FNIP2: variants seen among roughly 807,000 people sequenced by gnomAD.
FNIP2 encodes folliculin interacting protein 2.
In FNIP2, 32 loss-of-function variants were observed where a neutral mutation model predicts 108.7. That is an observed-to-expected ratio of 0.29 (90% CI 0.22 to 0.40). The LOEUF (loss-of-function observed/expected upper bound fraction) is 0.40. FNIP2 is among the 10% of genes least tolerant of loss of function. The pLI, the probability that FNIP2 is intolerant of heterozygous loss-of-function variation, is 1.00. For synonymous variants in FNIP2, 480 were observed against 496.7 expected (o/e 0.97, Z 0.45); for missense variants, 1,202 against 1,381.6 (o/e 0.87, Z 2.06).
At chr4:158,879,036 T>C (rs896731901) in intron 14 of FNIP2, among the ~76,000 whole-genome samples, 1 of 149,978 alleles carries the variant, frequency 6.7e-6, no homozygotes, top group East Asian at 2.0e-4. Flanking sequence ...ATGAAAAATA[T>C]CAAAGAGCAA....
At chr4:158,899,345 G>A (rs1366169305) in intron 16 of FNIP2, among the ~76,000 whole-genome samples, 1 of 152,158 alleles carries the variant, frequency 6.6e-6, no homozygotes, top group Non-Finnish European at 1.5e-5. Flanking sequence ...TTTGCTTTCA[G>A]GATGATGCTG....
intron 14 of FNIP2, among the ~76,000 whole-genome samples, chr4:158,881,712 C>G (rs551352258): frequency 6.6e-6 from 1 of 152,212 alleles, no homozygotes; most frequent in Non-Finnish European, 1.5e-5. Flanking sequence ...CTCGGCCTCC[C>G]GAGGTGCTGG....
At chr4:158,851,526 G>A (rs921308734) in intron 8 of FNIP2, 76 bp downstream of exon 8, 30 of 1,557,262 alleles carry the variant, frequency 1.9e-5, no homozygotes, top group East Asian at 9.1e-5. Flanking sequence ...GAGGCTGTTC[G>A]TGCCTATTGT....
chr4:158,836,630 C>G (rs1402155535), intron 7 of FNIP2: 2 of 145,250 alleles, frequency 1.4e-5, no homozygotes, highest in Non-Finnish European at 3.0e-5. Context: ...GAAACTCCAT[C>G]TCTACTAAAA....
At chr4:158,875,187 C>A (rs896217209) in intron 14 of FNIP2, among the ~76,000 whole-genome samples, 1 of 151,886 alleles carries the variant, frequency 6.6e-6, no homozygotes, top group African/African-American at 2.4e-5. Context: ...CAGGGGACTA[C>A]TGTTGGGAAT....
At chr4:158,840,416 G>A (rs1481570675) in intron 7 of FNIP2, among the ~76,000 whole-genome samples, 2 of 151,472 alleles carry the variant, frequency 1.3e-5, no homozygotes, top group African/African-American at 4.9e-5. Flanking sequence ...TTTTTTTTGA[G>A]ACAAGGTTTC....
At chr4:158,863,662 G>T (rs1039047561) in intron 12 of FNIP2, among the ~76,000 whole-genome samples, 2 of 152,218 alleles carry the variant, frequency 1.3e-5, no homozygotes, top group Admixed American at 6.5e-5. Flanking sequence ...TGGTATAATA[G>T]AATAGAAAAT....
intron 12 of FNIP2, 44 bp downstream of exon 12, chr4:158,861,820 T>A (rs1346923446): frequency 1.3e-6 from 2 of 1,599,848 alleles, no homozygotes; most frequent in Non-Finnish European, 1.7e-6. Context: ...TGGGATGGAA[T>A]AGGAAAAAAA....
chr4:158,803,766 T>C (rs1776840605), intron 1 of FNIP2, among the ~76,000 whole-genome samples: 2 of 152,320 alleles, frequency 1.3e-5, no homozygotes, highest in Non-Finnish European at 1.5e-5. Flanking sequence ...GTCTCACTGA[T>C]TGGAGTGATC....
intron 8 of FNIP2, among the ~76,000 whole-genome samples, chr4:158,855,931 A>G (rs781515863): frequency 6.7e-4 from 102 of 152,234 alleles, no homozygotes; most frequent in Non-Finnish European, 1.1e-3. Context: ...TAAAGGTAGC[A>G]GGGATGATAG....
intron 1 of FNIP2, among the ~76,000 whole-genome samples, chr4:158,802,101 G>C (rs1560762596): frequency 6.6e-6 from 1 of 152,238 alleles, no homozygotes; most frequent in Non-Finnish European, 1.5e-5. Flanking sequence ...TCGGGTTGCT[G>C]TGTGTTCACA....
intron 1 of FNIP2, among the ~76,000 whole-genome samples, chr4:158,820,947 G>A (rs1484865114): frequency 6.6e-6 from 1 of 152,034 alleles, no homozygotes; most frequent in Admixed American, 6.5e-5. Context: ...TATCTTTTTT[G>A]GGGACACAAT....
chr4:158,860,743 A>G (rs546716861), intron 10 of FNIP2, among the ~76,000 whole-genome samples: 2 of 140,176 alleles, frequency 1.4e-5, no homozygotes, highest in African/African-American at 5.4e-5. Flanking sequence ...TGCAACCTTC[A>G]CCTCCTGGGT....
chr4:158,825,557 T>A (rs1578871240), intron 1 of FNIP2, among the ~76,000 whole-genome samples: 1 of 152,352 alleles, frequency 6.6e-6, no homozygotes, highest in South Asian at 2.1e-4. Flanking sequence ...GGATATGCTG[T>A]CCCCAGAACC....
At chr4:158,852,074 A>G (rs532562259) in intron 8 of FNIP2, among the ~76,000 whole-genome samples, 41 of 152,338 alleles carry the variant, frequency 2.7e-4, no homozygotes, top group African/African-American at 9.6e-4. Context: ...CAATTAACTG[A>G]TTTAGTAAAT....
intron 7 of FNIP2, among the ~76,000 whole-genome samples, chr4:158,838,298 G>A (rs1778924150): frequency 1.5e-5 from 2 of 131,472 alleles, no homozygotes; most frequent in Admixed American, 1.9e-4. Flanking sequence ...TTGGCTCACT[G>A]TAACCTCTGC....
chr4:158,777,408 G>C (rs1352909604), intron 1 of FNIP2, among the ~76,000 whole-genome samples: 1 of 152,226 alleles, frequency 6.6e-6, no homozygotes, highest in East Asian at 1.9e-4. Context: ...AATCATCTCT[G>C]CTTTCCATGT....
chr4:158,781,511 ATTTT>A (rs1194405586), intron 1 of FNIP2, among the ~76,000 whole-genome samples: 1 of 151,766 alleles, frequency 6.6e-6, no homozygotes, highest in Admixed American at 6.6e-5. Flanking sequence ...ACAGATTTAC[ATTTT>A]TTGTTTGTTT....
In FNIP2 at chr4:158,884,052, T is replaced by G. The variant is rs190986716; in HGVS notation, c.2950-7394T>G. Among the ~76,000 whole-genome samples, 8 of 151,648 alleles carry G rather than the reference T, an allele frequency of 5.3e-5. No homozygotes were observed. The East Asian group carries it at 1.6e-3, about 30-fold the overall frequency. On this transcript the variant is annotated intron_variant, in intron 14 of 16. Coordinates refer to ENST00000264433, the MANE Select transcript of FNIP2 (RefSeq NM_020840.3). ...ATGGCATGATGAATTAATAAGTAGT[T>G]ATGGGAAGCATATATGCAAGAACGG... is the stretch of plus-strand genomic sequence containing the variant.
Sources: allele counts gnomAD v4.1 joint callset (sites outside exome capture counted in the v4.1 genomes callset), GRCh38; gene constraint gnomAD v4.1.1; transcripts MANE v1.5; gene names NCBI Gene and HGNC (gene_info 2026-07-23, HGNC 2026-07-21).